The following PRKD1 variants were observed in gnomAD, a reference collection of about 807,000 sequenced individuals.
PRKD1 encodes serine/threonine-protein kinase D1.
A neutral mutation model predicts 95.9 loss-of-function variants in PRKD1; 63 were observed. The observed-to-expected ratio is 0.66, with a 90% CI of 0.54 to 0.81. PRKD1 has a LOEUF of 0.81. Among genes scored for constraint, PRKD1 ranks in the 30% least tolerant of loss-of-function variants. The pLI is 0.00. For missense variants in PRKD1, 1,048 were observed against 1,165.3 expected (o/e 0.90, Z 1.47); for synonymous variants, 425 against 423.1 (o/e 1.00, Z -0.05).
chr14:29,836,563 A>G (rs1270696933), intron 1 of PRKD1, among the ~76,000 whole-genome samples: 1 of 152,200 alleles, frequency 6.6e-6, no homozygotes, highest in Non-Finnish European at 1.5e-5. Flanking sequence ...AGACCATGCT[A>G]ATGAAATGAG....
intron 1 of PRKD1, chr14:29,811,872 C>T (rs1890499362): frequency 6.6e-6 from 1 of 152,224 alleles, no homozygotes; most frequent in Non-Finnish European, 1.5e-5. Flanking sequence ...GCTCTCATCA[C>T]TGAGTAATGA....
chr14:29,582,331 T>C (rs1186814449), intron 16 of PRKD1, among the ~76,000 whole-genome samples: 2 of 151,326 alleles, frequency 1.3e-5, no homozygotes, highest in African/African-American at 4.9e-5. Context: ...AAATTCTACT[T>C]GTCTTAAATA....
Position 29,861,702 on chromosome 14 carries a change from G to C in PRKD1, c.264+65547C>G, listed in dbSNP as rs536207508. Among the ~76,000 whole-genome samples the C allele has an allele frequency of 9.9e-5, 15 of 152,204 alleles. No homozygotes were observed. The South Asian group carries it at 3.1e-3, about 32-fold the overall frequency. On this transcript the variant is annotated intron_variant, in intron 1 of 17. Transcript: ENST00000331968. ...GAGTCTTGCTCTGTCACCCAGGCTG[G>C]AGTGCTGTGATGTGATTTTGGCTCA...
chr14:29,722,354 A>T (rs1885939888), intron 2 of PRKD1, among the ~76,000 whole-genome samples: 1 of 152,194 alleles, frequency 6.6e-6, no homozygotes, highest in Non-Finnish European at 1.5e-5. Context: ...TATGGCCTGA[A>T]GTGTCCTTGC....
At chr14:29,683,426 G>T (rs1158615766) in intron 2 of PRKD1, among the ~76,000 whole-genome samples, 1 of 152,154 alleles carries the variant, frequency 6.6e-6, no homozygotes, top group Non-Finnish European at 1.5e-5. Context: ...GTGCCAGTGG[G>T]ATATCCAAGT....
intron 1 of PRKD1, among the ~76,000 whole-genome samples, chr14:29,847,693 C>T (rs1199142142): frequency 6.6e-6 from 1 of 152,070 alleles, no homozygotes; most frequent in Non-Finnish European, 1.5e-5. Flanking sequence ...ATCAGCTAGC[C>T]CGTTTAAGAT....
chr14:29,828,360 G>A (rs1891277050), intron 1 of PRKD1, among the ~76,000 whole-genome samples: 1 of 152,054 alleles, frequency 6.6e-6, no homozygotes, highest in Non-Finnish European at 1.5e-5. Flanking sequence ...CTCTTAAACA[G>A]CCAGATCTCC....
At chr14:29,599,541 G>T in intron 14 of PRKD1, 115 bp downstream of exon 14, 1 of 955,334 alleles carries the variant, frequency 1.0e-6, no homozygotes, top group Non-Finnish European at 1.5e-6. Flanking sequence ...ACCTTTTCTA[G>T]TGTAGTTTAG....
intron 1 of PRKD1, among the ~76,000 whole-genome samples, chr14:29,759,712 A>G (rs1423828482): frequency 6.6e-6 from 1 of 152,230 alleles, no homozygotes; most frequent in African/African-American, 2.4e-5. Context: ...AGAAAATGTG[A>G]GAGTCACGGC....
intron 1 of PRKD1, among the ~76,000 whole-genome samples, chr14:29,882,609 T>A (rs145672132): frequency 1.3e-5 from 2 of 152,340 alleles, no homozygotes; most frequent in East Asian, 3.9e-4. Flanking sequence ...AACATTTCTA[T>A]CTTGCAAAAC....
chr14:29,710,308 C>A (rs1421682936), intron 2 of PRKD1, among the ~76,000 whole-genome samples: 1 of 152,068 alleles, frequency 6.6e-6, no homozygotes, highest in East Asian at 1.9e-4. Context: ...AGAAACCTGA[C>A]AAACACGACT....
chr14:29,880,476 T>A (rs1253003017), intron 1 of PRKD1, among the ~76,000 whole-genome samples: 1 of 152,034 alleles, frequency 6.6e-6, no homozygotes, highest in African/African-American at 2.4e-5. Context: ...GTTTGCTGCA[T>A]GAGCAAACTT....
intron 2 of PRKD1, among the ~76,000 whole-genome samples, chr14:29,688,944 G>A (rs550247177): frequency 2.8e-4 from 22 of 79,730 alleles, no homozygotes; most frequent in Non-Finnish European, 3.4e-4. Context: ...GCGAGACTCC[G>A]TCTCAAAAAA....
chr14:29,581,578 C>T (rs893206581), intron 16 of PRKD1, among the ~76,000 whole-genome samples: 1 of 152,148 alleles, frequency 6.6e-6, no homozygotes, highest in Non-Finnish European at 1.5e-5. Flanking sequence ...CTCTTAAACA[C>T]TATGGCAGAC....
chr14:29,808,001 A>G (rs1404877588), intron 1 of PRKD1, among the ~76,000 whole-genome samples: 1 of 152,020 alleles, frequency 6.6e-6, no homozygotes, highest in Non-Finnish European at 1.5e-5. Context: ...GAGTTACAGG[A>G]GTGAGCCACC....
intron 2 of PRKD1, among the ~76,000 whole-genome samples, chr14:29,688,683 G>A (rs1216042685): frequency 6.6e-6 from 1 of 152,020 alleles, no homozygotes; most frequent in Non-Finnish European, 1.5e-5. Flanking sequence ...TGTAATCCAA[G>A]CACTTTGGGA....
Position 29,623,385 on chromosome 14 carries a change from G to A in PRKD1, c.1905+767C>T, listed in dbSNP as rs113157501. Among the ~76,000 whole-genome samples, 81 of 151,996 alleles carry A rather than the reference G, an allele frequency of 5.3e-4. 1 individual carries two copies. The highest frequency in any genetic ancestry group is 1.2e-3 in the African/African-American group (50 of 41,488). On this transcript the variant is annotated intron_variant, in intron 13 of 17. Transcript: ENST00000331968. ...TATAAATGAAGAAATGAAATGTTCC[G>A]TTTTGCGAAAAAAAATTGTCCGTTA...
intron 4 of PRKD1, chr14:29,656,452 G>A (rs1881844611): frequency 6.6e-7 from 1 of 1,525,718 alleles, no homozygotes; most frequent in African/African-American, 1.4e-5. Context: ...CAAATTTCTA[G>A]CACCAGGTAG....
rs992449669 is a variant in PRKD1, at chr14:29,578,543, T to TAAAAAAAAAAAAAA, written c.2435-197_2435-184dup. Among the ~76,000 whole-genome samples, 9 of 42,702 alleles carry TAAAAAAAAAAAAAA rather than the reference T, an allele frequency of 2.1e-4. 1 individual carries two copies. The highest frequency in any genetic ancestry group is 6.8e-4 in the African/African-American group (9 of 13,276). The allele number at this position is 42,702 out of a possible 152,430, so 28.0% of individuals were successfully genotyped here. On this transcript the variant is annotated intron_variant, in intron 16 of 17. Coordinates refer to ENST00000331968, the MANE Select transcript of PRKD1 (RefSeq NM_002742.3). ...TTGGCCTTCATTTTATTTTGGATAC[T>TAAAAAAAAAAAAAA]AAAAAAAAAAAAAAAAAAAAAAAAA... is the stretch of plus-strand genomic sequence containing the variant.
Sources: allele counts gnomAD v4.1 joint callset (sites outside exome capture counted in the v4.1 genomes callset), GRCh38; gene constraint gnomAD v4.1.1; transcripts MANE v1.5; gene names NCBI Gene and HGNC (gene_info 2026-07-23, HGNC 2026-07-21).